CHN2: variants seen among roughly 807,000 people sequenced by gnomAD.
The protein encoded by CHN2 is beta-chimaerin.
Under a neutral mutation model 56.3 loss-of-function variants are expected in CHN2, and 35 were observed. That is an observed-to-expected ratio of 0.62 (90% CI 0.47 to 0.82). CHN2 has a LOEUF of 0.82. Ranked by LOEUF, CHN2 falls within the 40% of genes least tolerant of loss-of-function variation. The probability of loss-of-function intolerance (pLI) is 0.00; values close to 1 mark genes in which losing one functional copy is unlikely to be tolerated. For synonymous variants in CHN2, 210 were observed against 212.8 expected (o/e 0.99, Z 0.12); for missense variants, 491 against 580.5 (o/e 0.85, Z 1.58).
intron 3 of CHN2, among the ~76,000 whole-genome samples, chr7:29,370,979 C>T (rs570536189): frequency 3.9e-5 from 6 of 152,324 alleles, no homozygotes; most frequent in African/African-American, 1.2e-4. Context: ...CAGAGCCAAC[C>T]ACTTACTCTC....
intron 6 of CHN2, chr7:29,445,049 C>T: frequency 1.6e-5 from 7 of 445,808 alleles, no homozygotes; most frequent in South Asian, 1.1e-4. Flanking sequence ...ACGCAAAATT[C>T]TCTCCCATTT....
intron 1 of CHN2, among the ~76,000 whole-genome samples, chr7:29,287,211 T>C (rs993421508): frequency 6.6e-6 from 1 of 152,124 alleles, no homozygotes; most frequent in Non-Finnish European, 1.5e-5. Context: ...AAAAATACGC[T>C]TGGTCTTCTT....
chr7:29,437,025 C>G lies in CHN2; in HGVS notation c.576+36197C>G, dbSNP rs577151113. ...CTCACTGAATAATAAGTAGAGGATA[C>G]AGATAAGCAACAAAGATAATAAAGG... On this transcript the variant is annotated intron_variant, in intron 6 of 12. Coordinates refer to ENST00000222792, the MANE Select transcript of CHN2 (RefSeq NM_004067.4). 5.3e-5 allele frequency among the ~76,000 whole-genome samples: 8 copies of G among 151,918 alleles called. No individual in the cohort carries two copies. The East Asian group carries it at 1.2e-3, about 22-fold the overall frequency.
chr7:29,303,624 T>G (rs886079259), intron 1 of CHN2, among the ~76,000 whole-genome samples: 1 of 152,092 alleles, frequency 6.6e-6, no homozygotes, highest in African/African-American at 2.4e-5. Context: ...TTCACTAGCT[T>G]CCCCCAGCCT....
chr7:29,467,399 G>C (rs185692675), intron 6 of CHN2, among the ~76,000 whole-genome samples: 2 of 152,134 alleles, frequency 1.3e-5, no homozygotes, highest in Non-Finnish European at 2.9e-5. Context: ...ATGTGGGAGA[G>C]CATGGATATG....
intron 1 of CHN2, among the ~76,000 whole-genome samples, chr7:29,228,166 A>G (rs1180634228): frequency 6.6e-6 from 1 of 150,914 alleles, no homozygotes; most frequent in African/African-American, 2.4e-5. Context: ...ATATACACAC[A>G]CACACACACA....
At chr7:29,418,508 A>G (rs1562591956) in intron 6 of CHN2, among the ~76,000 whole-genome samples, 2 of 152,224 alleles carry the variant, frequency 1.3e-5, no homozygotes, top group Admixed American at 6.5e-5. Flanking sequence ...ACACAAGCTC[A>G]TATGTTAGGA....
At chr7:29,311,880 G>T (rs1188377680) in intron 1 of CHN2, among the ~76,000 whole-genome samples, 2 of 152,202 alleles carry the variant, frequency 1.3e-5, no homozygotes, top group Non-Finnish European at 2.9e-5. Context: ...CAGATCAAGA[G>T]TCTTGCCCTC....
At chr7:29,258,507 T>G (rs1789258055) in intron 1 of CHN2, among the ~76,000 whole-genome samples, 1 of 152,218 alleles carries the variant, frequency 6.6e-6, no homozygotes, top group African/African-American at 2.4e-5. Flanking sequence ...GGCCTGTTAA[T>G]TCCCTTTTCT....
At chr7:29,472,182 A>G (rs1021831314) in intron 6 of CHN2, among the ~76,000 whole-genome samples, 4 of 150,158 alleles carry the variant, frequency 2.7e-5, no homozygotes, top group African/African-American at 9.7e-5. Flanking sequence ...CAGCTCCACA[A>G]TGCCATAGCA....
intron 10 of CHN2, 56 bp downstream of exon 10, chr7:29,504,877 A>G: frequency 7.9e-7 from 1 of 1,263,398 alleles, no homozygotes; most frequent in Non-Finnish European, 1.1e-6. Context: ...TCTCGATTGG[A>G]AGTAGGTTTT....
At position 29,400,719 on chromosome 7, in the gene CHN2, T is replaced by A; in HGVS notation, c.467T>A (p.Ile156Asn). The change falls in exon 6 of 13, where the codon ATT (isoleucine) becomes AAT (asparagine). Residue 156 changes from isoleucine to asparagine, a missense_variant. By Grantham distance (149) the Ile-to-Asn change is moderately radical. Transcript: ENST00000222792. ...KMTTNPIYEH[I>N]GYATLLREKV... ...ACAACTAACCCCATCTATGAACACA[T>A]TGGATATGCCACCCTACTCAGAGAA... is the stretch of plus-strand genomic sequence containing the variant. The A allele has an allele frequency of 6.2e-7, 1 of 1,614,088 alleles. No individual in the cohort carries two copies. The highest frequency in any genetic ancestry group is 8.5e-7 in the Non-Finnish European group (1 of 1,179,990).
At chr7:29,500,664 G>GA (rs1402336135) in intron 9 of CHN2, among the ~76,000 whole-genome samples, 1 of 152,102 alleles carries the variant, frequency 6.6e-6, no homozygotes, top group African/African-American at 2.4e-5. Flanking sequence ...CGGTGAGAAG[G>GA]GTTATGGCAG....
intron 6 of CHN2, among the ~76,000 whole-genome samples, chr7:29,441,269 A>G (rs1334581027): frequency 6.6e-6 from 1 of 152,230 alleles, no homozygotes; most frequent in Non-Finnish European, 1.5e-5. Flanking sequence ...ATACAAAATA[A>G]TGGAGTTGGG....
intron 11 of CHN2, among the ~76,000 whole-genome samples, chr7:29,507,767 A>C (rs1258447067): frequency 1.3e-5 from 2 of 152,194 alleles, no homozygotes; most frequent in African/African-American, 4.8e-5. Context: ...CCACACATAA[A>C]ATATACTAAC....
intron 1 of CHN2, among the ~76,000 whole-genome samples, chr7:29,268,322 A>ACACACACACACACACACACACAC (rs59299983): frequency 2.0e-5 from 3 of 151,006 alleles, no homozygotes; most frequent in Non-Finnish European, 3.0e-5. Flanking sequence ...ACACACACAC[A>ACACACACACACACACACACACAC]ATGTCCTTCA....
At chr7:29,428,526 C>T (rs1805110337) in intron 6 of CHN2, among the ~76,000 whole-genome samples, 1 of 152,110 alleles carries the variant, frequency 6.6e-6, no homozygotes, top group Admixed American at 6.6e-5. Flanking sequence ...TCCACAAGGC[C>T]CTCCTTTTCC....
chr7:29,366,428 G>C (rs989882513), intron 2 of CHN2, among the ~76,000 whole-genome samples: 2 of 152,134 alleles, frequency 1.3e-5, no homozygotes, highest in Non-Finnish European at 2.9e-5. Context: ...AGACCAGGAG[G>C]GTGGTGCCAT....
intron 1 of CHN2, among the ~76,000 whole-genome samples, chr7:29,255,958 T>C (rs1397728267): frequency 6.6e-6 from 1 of 152,204 alleles, no homozygotes; most frequent in Non-Finnish European, 1.5e-5. Flanking sequence ...CTTACTGGAA[T>C]GCTCTTCCAA....
Sources: allele counts gnomAD v4.1 joint callset (sites outside exome capture counted in the v4.1 genomes callset), GRCh38; gene constraint gnomAD v4.1.1; transcripts MANE v1.5; gene names NCBI Gene and HGNC (gene_info 2026-07-23, HGNC 2026-07-21).